Variants in CDH26 observed in about 807,000 individuals in gnomAD.
CDH26 encodes the protein cadherin-like protein 26.
In CDH26, 83 loss-of-function variants were observed where a neutral mutation model predicts 90.3. The ratio of observed to expected loss-of-function variants is 0.92; its 90% CI spans 0.77 to 1.10. The LOEUF is 1.10. Ranked by LOEUF, CDH26 falls within the 50% of genes least tolerant of loss-of-function variation. The pLI is 0.00. For missense variants in CDH26, 1,013 were observed against 1,037.6 expected (o/e 0.98, Z 0.33); for synonymous variants, 397 against 396.3 (o/e 1.00, Z -0.02).
At chr20:60,032,491 C>T (rs563639422) in intron 8 of CDH26, among the ~76,000 whole-genome samples, 8 of 152,192 alleles carry the variant, frequency 5.3e-5, no homozygotes, top group South Asian at 2.1e-4. Flanking sequence ...GATGGAATTA[C>T]GAAGAACTTG....
chr20:59,961,616 G>A (rs571327708), intron 1 of CDH26, among the ~76,000 whole-genome samples: 2 of 152,158 alleles, frequency 1.3e-5, no homozygotes, highest in African/African-American at 4.8e-5. Flanking sequence ...ATATTTACAA[G>A]CTGATACCAT....
chr20:60,022,523 T>C (rs1241821550), intron 7 of CDH26, among the ~76,000 whole-genome samples: 2 of 152,240 alleles, frequency 1.3e-5, no homozygotes, highest in East Asian at 3.9e-4. Flanking sequence ...AAACTTTCCT[T>C]TTCCCAAGTG....
At chr20:59,970,486 CT>C (rs565962791) in intron 3 of CDH26, among the ~76,000 whole-genome samples, 329 of 141,034 alleles carry the variant, frequency 2.3e-3, no homozygotes, top group Middle Eastern at 3.9e-3. Context: ...CATGCAGAGG[CT>C]TTTTTTTTTT....
At chr20:59,978,642 G>A (rs1199014522) in intron 4 of CDH26, among the ~76,000 whole-genome samples, 2 of 152,008 alleles carry the variant, frequency 1.3e-5, no homozygotes, top group African/African-American at 2.4e-5. Flanking sequence ...CCAAAGTGCT[G>A]GGATTACAGG....
intron 4 of CDH26, among the ~76,000 whole-genome samples, chr20:59,977,389 A>T (rs1272188365): frequency 1.3e-5 from 2 of 152,156 alleles, no homozygotes; most frequent in Non-Finnish European, 2.9e-5. Flanking sequence ...CTTTGCCCAC[A>T]GCCTTTTCAG....
Position 59,982,917 on chromosome 20 carries a change from T to C in CDH26, c.394-6T>C. 1 of 1,612,410 alleles carries C rather than the reference T, an allele frequency of 6.2e-7. No homozygotes were observed. The highest frequency in any genetic ancestry group is 8.5e-7 in the Non-Finnish European group (1 of 1,179,204). ...TGCAGGATTTTTACAGCTCTCTGCT[T>C]CCTAGGTTTATTTTGATGTTGTGGA... On this transcript the variant is annotated splice_region_variant and splice_polypyrimidine_tract_variant and intron_variant, in intron 4 of 17. Coordinates refer to ENST00000348616, the MANE Select transcript of CDH26 (RefSeq NM_177980.4).
rs1048200605 is a variant in CDH26, at chr20:59,985,434, G to A, written c.837+305G>A. Among the ~76,000 whole-genome samples, 5 of 152,086 alleles carry A rather than the reference G, an allele frequency of 3.3e-5. No individual in the cohort carries two copies. In the East Asian group the frequency reaches 9.7e-4, roughly 29 times the overall value. The stretch of plus-strand genomic sequence containing the variant: ...AACAAGAGCATGCAAGACACGGGAG[G>A]TGGGTGGGGAAGAATGAGGAACGAG... On this transcript the variant is annotated intron_variant, in intron 7 of 17. Transcript: ENST00000348616.
chr20:59,963,957 C>T (rs1268760023), intron 1 of CDH26, among the ~76,000 whole-genome samples: 2 of 152,116 alleles, frequency 1.3e-5, no homozygotes, highest in Admixed American at 6.5e-5. Flanking sequence ...AAGCTGAGGA[C>T]TCGTCGGCTC....
Position 59,958,742 on chromosome 20 carries a change from G to C in CDH26, c.16G>C (p.Gly6Arg), listed in dbSNP as rs776428355. 6.2e-7 allele frequency: 1 copy of C among 1,614,148 alleles called. No homozygotes were observed. Among genetic ancestry groups the C allele is most frequent in the Non-Finnish European group, 8.5e-7 (1 of 1,180,022 alleles). MAMRS[G>R]RHPSLLLLLV... ...GTATTCCCATATGGCCATGAGATCCGGGAGGCACCCCTCGCTGCTGCTGCT... is the reference window on the plus strand; with the variant it reads ...GTATTCCCATATGGCCATGAGATCCCGGAGGCACCCCTCGCTGCTGCTGCT... The change falls in exon 1 of 18, where the codon GGG (glycine) becomes CGG (arginine). Residue 6 changes from glycine to arginine, a missense_variant. Gly to Arg is a moderately radical substitution (Grantham distance 125, BLOSUM62 -2). Transcript: ENST00000348616.
chr20:59,963,276 G>T (rs1384117716), intron 1 of CDH26, among the ~76,000 whole-genome samples: 4 of 137,082 alleles, frequency 2.9e-5, no homozygotes, highest in Non-Finnish European at 6.3e-5. Flanking sequence ...TTTTTGGCAG[G>T]GTCTCACTCT....
Position 59,984,888 on chromosome 20 carries a change from G to C in CDH26, c.708+83G>C, listed in dbSNP as rs561008703. 88 of 1,559,268 alleles carry C rather than the reference G, an allele frequency of 5.6e-5. No individual in the cohort carries two copies. The East Asian group carries it at 1.9e-3, about 34-fold the overall frequency. On this transcript the variant is annotated intron_variant, in intron 6 of 17. Coordinates refer to ENST00000348616, the MANE Select transcript of CDH26 (RefSeq NM_177980.4). ...AGGCTTAGATTCTACATTTGTAGTG[G>C]GGAACCCTCTGTGGCTAGATTTGCT...
Position 59,970,100 on chromosome 20 carries a change from C to T in CDH26, c.145C>T (p.Leu49=). Residue 49 remains leucine (L), a synonymous_variant, in exon 3 of 18, where the codon CTA becomes TTA. Transcript: ENST00000348616. ...KQTKEKIYQP[L]RRSKRRWVIT... ...GTTCCAGGAAAAGATCTACCAGCCT[C>T]TACGGCGATCCAAGAGAAGATGGGT... 1 of 1,613,946 alleles carries T rather than the reference C, an allele frequency of 6.2e-7. No homozygotes were observed. The highest frequency in any genetic ancestry group is 8.5e-7 in the Non-Finnish European group (1 of 1,179,904).
At chr20:59,966,451 G>A (rs761405396) in intron 1 of CDH26, among the ~76,000 whole-genome samples, 3 of 152,130 alleles carry the variant, frequency 2.0e-5, no homozygotes, top group Non-Finnish European at 2.9e-5. Context: ...GTTCTCAAGC[G>A]ATTACAGTAA....
chr20:60,020,631 C>G (rs1246955800), intron 7 of CDH26, among the ~76,000 whole-genome samples: 3 of 152,188 alleles, frequency 2.0e-5, no homozygotes, highest in East Asian at 3.9e-4. Flanking sequence ...ACAGTTGCGA[C>G]TGATCTCCAG....
chr20:60,018,710 T>G, downstream of CDH26, among the ~76,000 whole-genome samples: 2 of 33,998 alleles, frequency 5.9e-5, no homozygotes, highest in African/African-American at 2.7e-4. Context: ...GCCTTTTTTT[T>G]TTTTTTTTTT....
rs1166794724 is a variant in CDH26, at chr20:59,969,016, A to C, written c.119A>C (p.Gln40Pro). The C allele has an allele frequency of 1.9e-6, 3 of 1,591,552 alleles. No individual in the cohort carries two copies. In the Admixed American group the frequency reaches 5.0e-5, roughly 27 times the overall value. ...VQQETDDLTK[Q>P]TKEKIYQPLR... Reference sequence around the variant, plus strand: ...CAGGAAACAGATGATCTTACTAAGCAAACAAAGGTGAGGTTTGGAAGTCAG... The same window carrying C: ...CAGGAAACAGATGATCTTACTAAGCCAACAAAGGTGAGGTTTGGAAGTCAG... The change falls in exon 2 of 18, where the codon CAA (glutamine) becomes CCA (proline). Residue 40 changes from glutamine (Q) to proline (P), a missense_variant. Coordinates refer to ENST00000348616, the MANE Select transcript of CDH26 (RefSeq NM_177980.4).
rs147548320 is a variant in CDH26, at chr20:60,007,311, A to G, written c.2295+524A>G. Among the ~76,000 whole-genome samples the G allele has an allele frequency of 7.9e-5, 12 of 152,334 alleles. No homozygotes were observed. The East Asian group carries it at 9.7e-4, about 12-fold the overall frequency. Reference sequence around the variant, plus strand: ...ATCCAGTGCTGCTTTGCAGAACCCAACTGAAGACAGAATTGACACAGCACA... The same window carrying G: ...ATCCAGTGCTGCTTTGCAGAACCCAGCTGAAGACAGAATTGACACAGCACA... On this transcript the variant is annotated intron_variant, in intron 17 of 17. Coordinates refer to ENST00000348616, the MANE Select transcript of CDH26 (RefSeq NM_177980.4).
At chr20:60,006,662 G>A (rs2146015259) in intron 16 of CDH26, 51 bp from the exon 17 acceptor site, 4 of 1,342,868 alleles carry the variant, frequency 3.0e-6, no homozygotes, top group East Asian at 2.3e-5. Context: ...GGGGTTGGGG[G>A]GTAGGACAAG....
At chr20:60,005,424 G>T (rs763175847) in intron 16 of CDH26, among the ~76,000 whole-genome samples, 1 of 152,140 alleles carries the variant, frequency 6.6e-6, no homozygotes, top group Non-Finnish European at 1.5e-5. Context: ...AGAGGCATGA[G>T]TATGCATATA....
Sources: allele counts gnomAD v4.1 joint callset (sites outside exome capture counted in the v4.1 genomes callset), GRCh38; gene constraint gnomAD v4.1.1; transcripts MANE v1.5; gene names NCBI Gene and HGNC (gene_info 2026-07-23, HGNC 2026-07-21).